The following CACNA1D variants were observed in gnomAD, a reference collection of about 807,000 sequenced individuals.
CACNA1D encodes calcium voltage-gated channel subunit alpha1 D.
CACNA1D carries 55 observed loss-of-function variants against 257.1 expected under a neutral mutation model. The ratio of observed to expected loss-of-function variants is 0.21; its 90% CI spans 0.17 to 0.27. CACNA1D has a LOEUF of 0.27. Among genes scored for constraint, CACNA1D ranks in the 10% least tolerant of loss-of-function variants. CACNA1D has a pLI of 1.00. For synonymous variants in CACNA1D, 980 were observed against 1,014.9 expected (o/e 0.97, Z 0.65); for missense variants, 1,876 against 2,784.0 (o/e 0.67, Z 7.34).
intron 3 of CACNA1D, among the ~76,000 whole-genome samples, chr3:53,611,204 C>T (rs2093579089): frequency 6.6e-6 from 1 of 152,138 alleles, no homozygotes; most frequent in South Asian, 2.1e-4. Context: ...GGCAACGTAG[C>T]AAGACCCCAT....
chr3:53,579,878 C>G (rs940680660), intron 3 of CACNA1D, among the ~76,000 whole-genome samples: 6 of 152,230 alleles, frequency 3.9e-5, no homozygotes, highest in African/African-American at 1.4e-4. Flanking sequence ...CATGCAGGCC[C>G]CGGATGCTGT....
rs1241024670 is a variant in CACNA1D at position 53,813,041 on chromosome 3, C to T, written c.*1635C>T. On this transcript the variant is annotated 3_prime_UTR_variant, in exon 48 of 48. Coordinates refer to ENST00000350061, the MANE Select transcript of CACNA1D (RefSeq NM_001128840.3). ...AGAATTAGGCCGACTGTCAGGTTAC[C>T]TTGGCAGGGATTCCCTGCAATCAAA... 6.6e-6 allele frequency: 1 copy of T among 151,960 alleles called. No individual in the cohort carries two copies. The highest frequency in any genetic ancestry group is 1.5e-5 in the Non-Finnish European group (1 of 68,016). The allele number at this position is 151,960 out of a possible 1,614,324, so 9.4% of individuals were successfully genotyped here.
At position 53,673,094 on chromosome 3, in the gene CACNA1D, C is replaced by T. The variant is rs757944029; in HGVS notation, c.1188C>T (p.Phe396=). The T allele has an allele frequency of 3.0e-5, 46 of 1,551,846 alleles. No homozygotes were observed. The highest frequency in any genetic ancestry group is 5.5e-5 in the African/African-American group (4 of 73,012). The change falls in exon 8 of 48, where the codon TTC becomes TTT. Residue 396 remains phenylalanine (F), a synonymous_variant. Transcript: ENST00000350061. This position sits in a 1 kb window ranked among gnomAD's most constrained non-coding sequence, Gnocchi z 4.1. ...FVSLVIFGSF[F]VLNLVLGVLS... ...GTCTCGTCATCTTTGGGTCATTTTTCGTACTAAATCTTGTACTTGGTGTAT... is the reference window on the plus strand; with the variant it reads ...GTCTCGTCATCTTTGGGTCATTTTTTGTACTAAATCTTGTACTTGGTGTAT...
At chr3:53,658,371 C>T (rs1285396240) in intron 4 of CACNA1D, among the ~76,000 whole-genome samples, 2 of 152,182 alleles carry the variant, frequency 1.3e-5, no homozygotes, top group Non-Finnish European at 2.9e-5. Flanking sequence ...GAAACCAGCC[C>T]CGGCCCCTTG....
At chr3:53,647,933 G>C (rs1024352722) in intron 3 of CACNA1D, among the ~76,000 whole-genome samples, 3 of 152,144 alleles carry the variant, frequency 2.0e-5, no homozygotes, top group African/African-American at 7.2e-5. Flanking sequence ...TAAGGATTTT[G>C]GAAAGAGAAA....
chr3:53,573,076 T>C (rs1453723274), intron 3 of CACNA1D, among the ~76,000 whole-genome samples: 3 of 152,236 alleles, frequency 2.0e-5, no homozygotes, highest in Non-Finnish European at 4.4e-5. Flanking sequence ...AACTTCTTTT[T>C]ATCCATTAGT....
In CACNA1D at chr3:53,687,797, T is replaced by C. The variant is rs1006950703; in HGVS notation, c.1220+14671T>C. 1.8e-4 allele frequency among the ~76,000 whole-genome samples: 27 copies of C among 152,254 alleles called. 1 individual carries two copies. Among genetic ancestry groups the C allele is most frequent in the African/African-American group, 6.5e-4 (27 of 41,542 alleles). ...GAGCAACTCAAAAATTGGCAAAACA[T>C]ACTTTACACAAGAATGTATATGAGT... On this transcript the variant is annotated intron_variant, in intron 8 of 47. Coordinates refer to ENST00000350061, the MANE Select transcript of CACNA1D (RefSeq NM_001128840.3).
intron 3 of CACNA1D, among the ~76,000 whole-genome samples, chr3:53,576,943 T>C (rs77898953): frequency 2.0e-5 from 3 of 152,366 alleles, no homozygotes; most frequent in South Asian, 4.1e-4. Flanking sequence ...TCAGTTCTTA[T>C]TCTTCCTCTT....
chr3:53,633,778 G>A (rs1420996687), intron 3 of CACNA1D, among the ~76,000 whole-genome samples: 1 of 152,162 alleles, frequency 6.6e-6, no homozygotes, highest in Non-Finnish European at 1.5e-5. Context: ...TGATATGTCT[G>A]GGTTGTAAAA....
chr3:53,569,380 G>T (rs2092904405), intron 3 of CACNA1D, among the ~76,000 whole-genome samples: 1 of 152,214 alleles, frequency 6.6e-6, no homozygotes, highest in African/African-American at 2.4e-5. Flanking sequence ...TTGGCCAGGG[G>T]TTGTCATCTC....
intron 4 of CACNA1D, among the ~76,000 whole-genome samples, chr3:53,658,124 C>G (rs1390467769): frequency 6.6e-6 from 1 of 151,394 alleles, no homozygotes; most frequent in Non-Finnish European, 1.5e-5. Flanking sequence ...TTGGGGTAAA[C>G]TTTTAATAAC....
At position 53,738,342 on chromosome 3, in the gene CACNA1D, C is replaced by T. The variant is rs185076686; in HGVS notation, c.2752-1938C>T. On this transcript the variant is annotated intron_variant, in intron 20 of 47. Transcript: ENST00000350061. ...GAGAAAAAGTGCTTTCCCCATGGTGCGTGTTAGTGTCAATATAAAGAGGAA... is the reference window on the plus strand; with the variant it reads ...GAGAAAAAGTGCTTTCCCCATGGTGTGTGTTAGTGTCAATATAAAGAGGAA... Among the ~76,000 whole-genome samples the T allele has an allele frequency of 5.9e-5, 9 of 152,222 alleles. No homozygotes were observed. In the East Asian group the frequency reaches 9.7e-4, roughly 16 times the overall value.
chr3:53,541,881 C>T (rs977286201), intron 3 of CACNA1D, among the ~76,000 whole-genome samples: 1 of 152,128 alleles, frequency 6.6e-6, no homozygotes, highest in Admixed American at 6.5e-5. Context: ...TAAGTCAAGG[C>T]AGCTGAGACA....
intron 30 of CACNA1D, among the ~76,000 whole-genome samples, chr3:53,767,330 C>A (rs1382048359): frequency 6.6e-6 from 1 of 152,022 alleles, no homozygotes; most frequent in Non-Finnish European, 1.5e-5. Context: ...TTTGGGAGGC[C>A]GAGATAGGCA....
At chr3:53,749,245 T>C in intron 26 of CACNA1D, 23 bp from the exon 27 acceptor site, 1 of 1,589,434 alleles carries the variant, frequency 6.3e-7, no homozygotes, top group South Asian at 1.1e-5. Context: ...TGGCAGGTCC[T>C]CACTTGGTTT....
At chr3:53,746,325 A>G (rs777490949) in intron 25 of CACNA1D, among the ~76,000 whole-genome samples, 2 of 152,102 alleles carry the variant, frequency 1.3e-5, no homozygotes, top group Admixed American at 6.5e-5. Flanking sequence ...CCCTCTTCTT[A>G]TACACTTTCT....
At chr3:53,597,752 C>G (rs2093388926) in intron 3 of CACNA1D, among the ~76,000 whole-genome samples, 1 of 152,176 alleles carries the variant, frequency 6.6e-6, no homozygotes, top group South Asian at 2.1e-4. Context: ...GCCACTGTTT[C>G]CTGTCTCTCT....
In CACNA1D at chr3:53,784,419, C is replaced by T. The variant is rs185500172; in HGVS notation, c.4793-2403C>T. ...TTCCTTCTCTTCCTTCCTGTTCTGTCCTGCTGTAGCTTTGACTTTTCTTGT... is the reference window on the plus strand; with the variant it reads ...TTCCTTCTCTTCCTTCCTGTTCTGTTCTGCTGTAGCTTTGACTTTTCTTGT... On this transcript the variant is annotated intron_variant, in intron 39 of 47. Transcript: ENST00000350061. Among the ~76,000 whole-genome samples, 586 of 152,316 alleles carry T rather than the reference C, an allele frequency of 3.8e-3. 5 individuals are homozygous for T. The highest frequency in any genetic ancestry group is 6.6e-3 in the Non-Finnish European group (448 of 68,034).
At chr3:53,693,696 A>G (rs1182375067) in intron 8 of CACNA1D, among the ~76,000 whole-genome samples, 1 of 152,126 alleles carries the variant, frequency 6.6e-6, no homozygotes, top group African/African-American at 2.4e-5. Context: ...CTTTGCCTTT[A>G]TAAGTGTTGC....
Sources: gnomAD v4.1 joint callset for allele counts (sites outside exome capture counted in the v4.1 genomes callset) on GRCh38, gnomAD v4.1.1 for gene constraint, Gnocchi (gnomAD v3.1) non-coding constraint, MANE v1.5 for transcripts, NCBI Gene and HGNC (gene_info 2026-07-23, HGNC 2026-07-21) for gene names.